The following NCOA7 variants were observed in gnomAD, a reference collection of about 807,000 sequenced individuals.
NCOA7 encodes 140 kDa estrogen receptor-associated protein.
NCOA7 carries 45 observed loss-of-function variants against 104.3 expected under a neutral mutation model. The ratio of observed to expected loss-of-function variants is 0.43; its 90% CI spans 0.34 to 0.55. NCOA7 has a LOEUF of 0.55. Among genes scored for constraint, NCOA7 ranks in the 20% least tolerant of loss-of-function variants. The pLI is 0.02. For missense variants in NCOA7, 1,041 were observed against 1,119.7 expected, an observed-to-expected ratio of 0.93 and a Z score of 1.00; for synonymous variants, 398 against 402.3, an observed-to-expected ratio of 0.99 and a Z score of 0.13.
chr6:125,859,604 A>G (rs993999503), intron 3 of NCOA7, among the ~76,000 whole-genome samples: 2 of 152,240 alleles, frequency 1.3e-5, no homozygotes, highest in Non-Finnish European at 2.9e-5. Flanking sequence ...TTTAATATTA[A>G]TAATCAGAAA....
intron 11 of NCOA7, among the ~76,000 whole-genome samples, chr6:125,918,452 T>C (rs1787268776): frequency 6.6e-6 from 1 of 152,152 alleles, no homozygotes; most frequent in South Asian, 2.1e-4. Context: ...GCTAGAGTCT[T>C]CTTTATAACC....
chr6:125,812,215 A>C (rs28704488), intron 1 of NCOA7, among the ~76,000 whole-genome samples: 1 of 152,030 alleles, frequency 6.6e-6, no homozygotes, highest in Non-Finnish European at 1.5e-5. Context: ...AGCCCCTTTC[A>C]CTTCTATCCC....
At chr6:125,912,283 G>A (rs918044128) in intron 10 of NCOA7, among the ~76,000 whole-genome samples, 1 of 152,314 alleles carries the variant, frequency 6.6e-6, no homozygotes, top group Admixed American at 6.5e-5. Flanking sequence ...AGATTCAGAG[G>A]TAAGGAAAAT....
chr6:125,790,442 G>T (rs1190456819), upstream of NCOA7, among the ~76,000 whole-genome samples: 6 of 152,214 alleles, frequency 3.9e-5, no homozygotes, highest in Non-Finnish European at 7.3e-5. Context: ...CACTCGGGAG[G>T]CGCCACAAAG....
At chr6:125,903,974 G>A (rs1455811798) in intron 10 of NCOA7, among the ~76,000 whole-genome samples, 1 of 152,092 alleles carries the variant, frequency 6.6e-6, no homozygotes, top group African/African-American at 2.4e-5. Flanking sequence ...CCAAAGTGCT[G>A]GGATTACAGG....
At chr6:125,887,054 T>C (rs1784319115) in intron 8 of NCOA7, among the ~76,000 whole-genome samples, 1 of 152,220 alleles carries the variant, frequency 6.6e-6, no homozygotes, top group Admixed American at 6.5e-5. Context: ...TTATGTATGC[T>C]TGGCAACTGC....
At chr6:125,868,471 C>T (rs150203676) in intron 3 of NCOA7, among the ~76,000 whole-genome samples, 22 of 152,316 alleles carry the variant, frequency 1.4e-4, no homozygotes, top group African/African-American at 5.3e-4. Flanking sequence ...TAAACCGTTG[C>T]ACAAAGATTT....
chr6:125,787,113 C>A (rs1271917055), upstream of NCOA7, among the ~76,000 whole-genome samples: 1 of 148,552 alleles, frequency 6.7e-6, no homozygotes. Context: ...CCTAATGAGA[C>A]CCTGTCTGGA....
intron 13 of NCOA7, among the ~76,000 whole-genome samples, chr6:125,924,487 T>G (rs2128700487): frequency 6.6e-6 from 1 of 152,356 alleles, no homozygotes; most frequent in East Asian, 1.9e-4. Flanking sequence ...TTTGAGAACA[T>G]GATAGAACAA....
chr6:125,829,499 G>A (rs1371827837), intron 2 of NCOA7, among the ~76,000 whole-genome samples: 2 of 152,304 alleles, frequency 1.3e-5, no homozygotes, highest in East Asian at 3.9e-4. Context: ...ATCGGTGTAG[G>A]AACTTGATAT....
rs747007740 is a variant in NCOA7 at position 125,869,719 on chromosome 6, C to T, written c.272-5170C>T. Among the ~76,000 whole-genome samples, 40 of 152,142 alleles carry T rather than the reference C, an allele frequency of 2.6e-4. 1 individual carries two copies. Among genetic ancestry groups the T allele is most frequent in the Non-Finnish European group, 5.1e-4 (35 of 68,022 alleles). On this transcript the variant is annotated intron_variant, in intron 3 of 15. Coordinates refer to ENST00000392477, the MANE Select transcript of NCOA7 (RefSeq NM_181782.5). ...GGCCTTGGCTGAAGCTTCCTGCAGA[C>T]GCAGAACTGGCTAGATATGCTGGTT...
intron 11 of NCOA7, among the ~76,000 whole-genome samples, chr6:125,920,308 A>G (rs1037593054): frequency 6.6e-6 from 1 of 152,162 alleles, no homozygotes; most frequent in Admixed American, 6.5e-5. Flanking sequence ...AGTGGTTTCT[A>G]TGTGCACAAC....
At chr6:125,881,977 C>G (rs896550630) in intron 6 of NCOA7, among the ~76,000 whole-genome samples, 1 of 152,150 alleles carries the variant, frequency 6.6e-6, no homozygotes, top group African/African-American at 2.4e-5. Context: ...CCTCAGCCTC[C>G]TAAGTAGCTG....
At chr6:125,789,781 A>G (rs1156908278), upstream of NCOA7, among the ~76,000 whole-genome samples, 1 of 152,222 alleles carries the variant, frequency 6.6e-6, no homozygotes, top group Non-Finnish European at 1.5e-5. Flanking sequence ...AGAGGTTATT[A>G]CAGCTTAAGC....
chr6:125,915,258 T>C (rs1279666333), intron 10 of NCOA7, 75 bp from the exon 11 acceptor site: 9 of 1,551,158 alleles, frequency 5.8e-6, no homozygotes, highest in Non-Finnish European at 6.2e-6. Flanking sequence ...AGATGGTTTA[T>C]GTACTGAAGT....
At chr6:125,895,833 A>T (rs937784067) in intron 10 of NCOA7, among the ~76,000 whole-genome samples, 2 of 151,940 alleles carry the variant, frequency 1.3e-5, no homozygotes, top group African/African-American at 4.8e-5. Context: ...GCAATGAGGG[A>T]TCTGCCCCCA....
intron 1 of NCOA7, among the ~76,000 whole-genome samples, chr6:125,809,500 G>A (rs1367706127): frequency 6.6e-6 from 1 of 152,112 alleles, no homozygotes; most frequent in Non-Finnish European, 1.5e-5. Context: ...TAAGTTTGTG[G>A]CACACGTTTG....
At chr6:125,899,704 G>A (rs1328331643) in intron 10 of NCOA7, among the ~76,000 whole-genome samples, 4 of 152,074 alleles carry the variant, frequency 2.6e-5, no homozygotes, top group African/African-American at 9.7e-5. Flanking sequence ...GACACTGCTT[G>A]CTCTCCCTTC....
At chr6:125,782,368 A>G (rs1189245099) in intron 1 of NCOA7, among the ~76,000 whole-genome samples, 1 of 152,214 alleles carries the variant, frequency 6.6e-6, no homozygotes, top group Non-Finnish European at 1.5e-5. Context: ...TACATACTAA[A>G]CACCGTATTA....
Sources: gnomAD v4.1 joint callset for allele counts (sites outside exome capture counted in the v4.1 genomes callset) on GRCh38, gnomAD v4.1.1 for gene constraint, MANE v1.5 for transcripts, NCBI Gene and HGNC (gene_info 2026-07-23, HGNC 2026-07-21) for gene names.